TEP1: variants seen among roughly 807,000 people sequenced by gnomAD.
TEP1 encodes telomerase associated protein 1, also known as telomerase protein component 1.
Under a neutral mutation model 306.3 loss-of-function variants are expected in TEP1, and 241 were observed. The observed-to-expected ratio is 0.79, with a 90% CI of 0.71 to 0.88. The LOEUF (loss-of-function observed/expected upper bound fraction) is 0.88, where lower values mean the gene tolerates loss of function less well. Ranked by LOEUF, TEP1 falls within the 40% of genes least tolerant of loss-of-function variation. The probability of loss-of-function intolerance (pLI) is 0.00; values close to 1 mark genes in which losing one functional copy is unlikely to be tolerated. For missense variants in TEP1, 3,051 were observed against 3,276.1 expected (o/e 0.93, Z 1.68); for synonymous variants, 1,289 against 1,305.5 (o/e 0.99, Z 0.27).
intron 53 of TEP1, 29 bp from the exon 54 acceptor site, chr14:20,368,931 G>T (rs368718343): frequency 8.3e-6 from 13 of 1,574,568 alleles, no homozygotes; most frequent in Non-Finnish European, 1.1e-5. Context: ...GAGCAGAATG[G>T]TGAGTTCTCA....
In TEP1 at chr14:20,401,051, C is replaced by T. The variant is rs1451392575; in HGVS notation, c.1482G>A (p.Arg494=). 5 of 1,614,104 alleles carry T rather than the reference C, an allele frequency of 3.1e-6. No individual in the cohort carries two copies. The highest frequency in any genetic ancestry group is 4.2e-6 in the Non-Finnish European group (5 of 1,180,060). Residue 494 remains arginine (R), a synonymous_variant, in exon 9 of 55, where the codon AGG becomes AGA. Coordinates refer to ENST00000262715, the MANE Select transcript of TEP1 (RefSeq NM_007110.5). ...TCAGCTCCCGCTCCCAGGTCTCTGG[C>T]CTAGACAGCTTCATCCTCTTCCCAG... The part of the protein sequence containing the change: ...SRAGKRMKLS[R]PETWERELSL...
chr14:20,368,754 G>C (rs1884625025), intron 54 of TEP1, 44 bp downstream of exon 54: 2 of 1,466,390 alleles, frequency 1.4e-6, no homozygotes, highest in South Asian at 2.5e-5. Context: ...GGATAGGTGT[G>C]CAGGCGCACG....
intron 1 of TEP1, among the ~76,000 whole-genome samples, chr14:20,412,425 C>A (rs1224288589): frequency 6.6e-6 from 1 of 152,182 alleles, no homozygotes; most frequent in African/African-American, 2.4e-5. Flanking sequence ...GGAGATTCGG[C>A]TGAACCACAA....
At chr14:20,380,497 T>A in intron 33 of TEP1, 22 bp from the exon 34 acceptor site, 2 of 1,599,346 alleles carry the variant, frequency 1.3e-6, no homozygotes, top group Non-Finnish European at 1.7e-6. Context: ...TGGCAGAATG[T>A]CACTGGGGAG....
rs570672845 is a variant in TEP1 at position 20,410,020 on chromosome 14, C to CAAAAAAAAAAAAAAAAAAAAA, written c.-24-1578_-24-1558dup. Among the ~76,000 whole-genome samples the CAAAAAAAAAAAAAAAAAAAAA allele has an allele frequency of 2.2e-4, 13 of 58,922 alleles. 2 individuals are homozygous for CAAAAAAAAAAAAAAAAAAAAA. The highest frequency in any genetic ancestry group is 4.3e-4 in the East Asian group (1 of 2,320). 38.7% of individuals were successfully genotyped at this position (58,922 alleles called of 152,430 possible). A position where few individuals can be genotyped will look rare whatever the true frequency, so the allele number is the denominator to read the frequency against. On this transcript the variant is annotated intron_variant, in intron 1 of 54. Coordinates refer to ENST00000262715, the MANE Select transcript of TEP1 (RefSeq NM_007110.5). ...TGGGCGACAGAGCAAGACTCTGTCT[C>CAAAAAAAAAAAAAAAAAAAAA]AAAAAAAAAAAAAAAAAAAAAAAAA...
In TEP1 at chr14:20,386,559, G is replaced by T; in HGVS notation, c.2749C>A (p.Leu917Met). 1 of 1,612,610 alleles carries T rather than the reference G, an allele frequency of 6.2e-7. No homozygotes were observed. ...AGTGCTGGCAGCACAGACCTCAGCA[G>T]CAGGTCCCGCTCCCCATGCATGTCT... Reference protein sequence around the residue: ...FRDMHGERDLLLRSVLPALQA... With the variant: ...FRDMHGERDLMLRSVLPALQA... The change falls in exon 19 of 55, where the codon CTG becomes ATG. Residue 917 changes from leucine to methionine, a missense_variant. By Grantham distance (15) the Leu-to-Met change is conservative. Transcript: ENST00000262715.
chr14:20,400,497 C>CAAAAAAAAAAAAAAAA (rs71108598), intron 9 of TEP1, among the ~76,000 whole-genome samples: 14 of 85,466 alleles, frequency 1.6e-4, no homozygotes, highest in Non-Finnish European at 2.6e-4. Context: ...AAAAGTAGAC[C>CAAAAAAAAAAAAAAAA]AAAAAAAAAA....
At chr14:20,376,033 A>G (rs1202366366) in intron 42 of TEP1, 71 bp downstream of exon 42, 10 of 1,573,850 alleles carry the variant, frequency 6.4e-6, no homozygotes, top group Admixed American at 3.6e-5. Flanking sequence ...AGCAATGGGA[A>G]ATGGGTTGTT....
At chr14:20,377,071 C>T (rs550336416) in intron 41 of TEP1, among the ~76,000 whole-genome samples, 4 of 151,964 alleles carry the variant, frequency 2.6e-5, no homozygotes, top group African/African-American at 7.3e-5. Context: ...TAAAATTAGC[C>T]GGGCGTGGAG....
rs138722240 is a variant in TEP1 at position 20,377,666 on chromosome 14, G to T, written c.5809C>A (p.Pro1937Thr). The change falls in exon 40 of 55, where the codon CCA becomes ACA. Residue 1937 changes from proline to threonine, a missense_variant. By Grantham distance (38) the Pro-to-Thr change is conservative. Transcript: ENST00000262715. ...LSPALSVALS[P>T]DGDRVAVGYR... ...CCAACAGCCACCCGATCACCATCTG[G>T]GCTGAGTGCCACAGAGAGGGCAGGA... 2.9e-5 allele frequency: 47 copies of T among 1,613,980 alleles called. No homozygotes were observed. Among genetic ancestry groups the T allele is most frequent in the Non-Finnish European group, 3.4e-5 (40 of 1,180,014 alleles).
chr14:20,390,697 G>A lies in TEP1; in HGVS notation c.2318C>T (p.Ala773Val), dbSNP rs773177980. ...NTFGKYLLSLAGQRVPVDRVI... is the reference protein window; with the variant it reads ...NTFGKYLLSLVGQRVPVDRVI... Reference sequence around the variant, plus strand: ...AATACTCACAGGAACCCTTTGGCCAGCCAGAGACAGCAGGTATTTCCCAAA... The same window carrying A: ...AATACTCACAGGAACCCTTTGGCCAACCAGAGACAGCAGGTATTTCCCAAA... Residue 773 changes from alanine to valine, a missense_variant, in exon 15 of 55, where the codon GCT becomes GTT. Around this residue, in one of 3 missense-constraint regions of TEP1, gnomAD observed 1,507 missense variants for 1,550.5 expected, o/e 0.97. Transcript: ENST00000262715. The A allele has an allele frequency of 1.2e-6, 2 of 1,614,206 alleles. No individual in the cohort carries two copies. Among genetic ancestry groups the A allele is most frequent in the South Asian group, 1.1e-5 (1 of 91,090 alleles).
chr14:20,397,033 G>A (rs1316506282), intron 9 of TEP1, among the ~76,000 whole-genome samples: 2 of 152,190 alleles, frequency 1.3e-5, no homozygotes, highest in Non-Finnish European at 2.9e-5. Flanking sequence ...ATGTTTTAAA[G>A]GCTTGGAAAG....
Position 20,401,586 on chromosome 14 carries a change from G to A in TEP1, c.1267-5C>T. On this transcript the variant is annotated splice_region_variant and splice_polypyrimidine_tract_variant and intron_variant, in intron 7 of 54. Transcript: ENST00000262715. ...TGTATCACCGGCCTTCTCAAACTGT[G>A]GAAACATCCCCAAGTCCCACAGGGG... 6.2e-7 allele frequency: 1 copy of A among 1,613,834 alleles called. No individual in the cohort carries two copies. Among genetic ancestry groups the A allele is most frequent in the Non-Finnish European group, 8.5e-7 (1 of 1,179,896 alleles).
Position 20,378,019 on chromosome 14 carries a change from C to T in TEP1, c.5721+5G>A. 1 of 1,612,904 alleles carries T rather than the reference C, an allele frequency of 6.2e-7. No individual in the cohort carries two copies. Among genetic ancestry groups the T allele is most frequent in the South Asian group, 1.1e-5 (1 of 91,058 alleles). On this transcript the variant is annotated splice_donor_5th_base_variant and intron_variant, in intron 39 of 54. Coordinates refer to ENST00000262715, the MANE Select transcript of TEP1 (RefSeq NM_007110.5). ...CAACCCACCACCAGCCCTCTGCAAG[C>T]TGACCTTGCCATCCTCTCCAGCCGT...
chr14:20,377,483 C>A lies in TEP1; in HGVS notation c.5885G>T (p.Gly1962Val). The change falls in exon 41 of 55, where the codon GGG (glycine) becomes GTG (valine). Residue 1962 changes from glycine (G) to valine (V), a missense_variant. Physicochemically the swap from Gly to Val is moderately radical, Grantham distance 109 (BLOSUM62 -3). Around this residue, in one of 3 missense-constraint regions of TEP1, gnomAD observed 1,540 missense variants for 1,705.9 expected, o/e 0.90. Transcript: ENST00000262715. The part of the protein sequence containing the change: ...RIYKISSGSQ[G>V]AQGQALDVAV... ...CACATCCAGTGCCTGACCCTGAGCC[C>A]CCTGGGAACCTAGAGAATGAGAGAG... 9.9e-6 allele frequency: 16 copies of A among 1,613,748 alleles called. No individual in the cohort carries two copies. Among genetic ancestry groups the A allele is most frequent in the Non-Finnish European group, 1.4e-5 (16 of 1,179,788 alleles).
chr14:20,383,407 T>C lies in TEP1; in HGVS notation c.3868-54A>G, dbSNP rs1479431462. On this transcript the variant is annotated intron_variant, in intron 26 of 54. Transcript: ENST00000262715. ...GGTAGAAAGAAAAGGAGAACCACATTGGAGAGGCCTCTCTCCTCCGTGCCG... is the reference window on the plus strand; with the variant it reads ...GGTAGAAAGAAAAGGAGAACCACATCGGAGAGGCCTCTCTCCTCCGTGCCG... 3.1e-6 allele frequency: 5 copies of C among 1,605,108 alleles called. No individual in the cohort carries two copies. In the East Asian group the frequency reaches 1.1e-4, roughly 36 times the overall value.
intron 9 of TEP1, among the ~76,000 whole-genome samples, chr14:20,399,876 A>G (rs1347312157): frequency 6.6e-6 from 1 of 151,940 alleles, no homozygotes; most frequent in African/African-American, 2.4e-5. Context: ...AATTATCTTC[A>G]TATGGCTGGG....
Position 20,376,255 on chromosome 14 carries a change from G to A in TEP1, c.6098C>T (p.Thr2033Ile). The A allele has an allele frequency of 6.2e-7, 1 of 1,612,868 alleles. No homozygotes were observed. Among genetic ancestry groups the A allele is most frequent in the Non-Finnish European group, 8.5e-7 (1 of 1,179,608 alleles). Residue 2033 changes from threonine to isoleucine, a missense_variant, in exon 42 of 55, where the codon ACA (threonine) becomes ATA (isoleucine). This residue lies in a region of TEP1 where 1,540 missense variants were observed against 1,705.9 expected (regional missense o/e 0.90). Transcript: ENST00000262715. ...ELLASASEDF[T>I]VQLWPRQLLT... ...CAGCTGCCTTGGCCACAGCTGCACT[G>A]TGAAATCCTCTGCATTGGAAAAAGA...
rs1201744078 is a variant in TEP1, at chr14:20,372,856, G to A, written c.6953C>T (p.Ala2318Val). 5.6e-6 allele frequency: 9 copies of A among 1,614,088 alleles called. No individual in the cohort carries two copies. The highest frequency in any genetic ancestry group is 1.6e-4 in the Middle Eastern group (1 of 6,082). ...GATCAGAGCACCAATGTGGCCTGGA[G>A]CCTGGTGTACACAACAAGTTCAATT... Reference protein sequence around the residue: ...QEAKAVATAQAPGHIGALIWS... With the variant: ...QEAKAVATAQVPGHIGALIWS... The change falls in exon 49 of 55, where the codon GCT becomes GTT. Residue 2318 changes from alanine (A) to valine (V), a missense_variant and splice_region_variant. Ala to Val is a moderately conservative substitution (Grantham distance 64). Coordinates refer to ENST00000262715, the MANE Select transcript of TEP1 (RefSeq NM_007110.5).
Sources: gnomAD v4.1 joint callset for allele counts (sites outside exome capture counted in the v4.1 genomes callset) on GRCh38, gnomAD v4.1.1 for gene constraint, gnomAD v4.1.1 regional missense constraint, MANE v1.5 for transcripts, NCBI Gene and HGNC (gene_info 2026-07-23, HGNC 2026-07-21) for gene names.